TIAM1: variants seen among roughly 807,000 people sequenced by gnomAD.
The protein encoded by TIAM1 is rho guanine nucleotide exchange factor TIAM1.
A neutral mutation model predicts 163.5 loss-of-function variants in TIAM1; 65 were observed. That is an observed-to-expected ratio of 0.40 (90% confidence interval 0.33 to 0.49). The LOEUF (loss-of-function observed/expected upper bound fraction) is 0.49, where lower values mean the gene tolerates loss of function less well. Ranked by LOEUF, TIAM1 falls within the 20% of genes least tolerant of loss-of-function variation. The pLI is 0.77. For synonymous variants in TIAM1, 833 were observed against 810.1 expected, an observed-to-expected ratio of 1.03 and a Z score of -0.48; for missense variants, 1,789 against 2,044.7, an observed-to-expected ratio of 0.87 and a Z score of 2.41.
At chr21:31,407,784 C>T (rs889598548) in intron 2 of TIAM1, among the ~76,000 whole-genome samples, 152 of 151,912 alleles carry the variant, frequency 1.0e-3, no homozygotes, top group African/African-American at 3.5e-3. Context: ...TACAGGCGCC[C>T]GCCACCACGC....
At chr21:31,340,170 T>G (rs2075971050) in intron 1 of TIAM1, among the ~76,000 whole-genome samples, 2 of 151,324 alleles carry the variant, frequency 1.3e-5, no homozygotes, top group East Asian at 3.9e-4. Flanking sequence ...CCCAGTCCAG[T>G]CCCTTGCAAT....
intron 1 of TIAM1, among the ~76,000 whole-genome samples, chr21:31,495,158 G>A (rs533399240): frequency 8.3e-4 from 127 of 152,292 alleles, no homozygotes; most frequent in African/African-American, 3.0e-3. Flanking sequence ...AAGCAAATGG[G>A]ATGAAATGCA....
At chr21:31,360,686 GC>G (rs2076393111) in intron 2 of TIAM1, among the ~76,000 whole-genome samples, 1 of 152,088 alleles carries the variant, frequency 6.6e-6, no homozygotes, top group African/African-American at 2.4e-5. Context: ...ACACACACAT[GC>G]ACACAACTGT....
At chr21:31,311,756 G>C (rs937684390) in intron 2 of TIAM1, among the ~76,000 whole-genome samples, 1 of 152,212 alleles carries the variant, frequency 6.6e-6, no homozygotes, top group African/African-American at 2.4e-5. Context: ...GTGTCAACTT[G>C]ATTGGATTGA....
chr21:31,312,072 C>T (rs935363898), intron 2 of TIAM1, among the ~76,000 whole-genome samples: 7 of 152,316 alleles, frequency 4.6e-5, no homozygotes, highest in African/African-American at 1.4e-4. Context: ...CTTGGGCCTT[C>T]GGCCACAGAC....
chr21:31,545,425 T>C (rs1452334508), intron 1 of TIAM1, among the ~76,000 whole-genome samples: 5 of 152,164 alleles, frequency 3.3e-5, no homozygotes, highest in African/African-American at 4.8e-5. Flanking sequence ...AGGTACCTTG[T>C]TACCGGGAGG....
chr21:31,453,516 A>G (rs573674596), intron 2 of TIAM1, among the ~76,000 whole-genome samples: 1 of 152,136 alleles, frequency 6.6e-6, no homozygotes, highest in Admixed American at 6.5e-5. Context: ...CAACATGGCG[A>G]AACTCCATGT....
chr21:31,495,933 C>G (rs2147433338), intron 1 of TIAM1, among the ~76,000 whole-genome samples: 1 of 152,046 alleles, frequency 6.6e-6, no homozygotes, highest in South Asian at 2.1e-4. Context: ...GATCGCTCCA[C>G]TGCACTCCAG....
At chr21:31,413,926 G>C (rs2043291194) in intron 2 of TIAM1, among the ~76,000 whole-genome samples, 1 of 152,164 alleles carries the variant, frequency 6.6e-6, no homozygotes, top group South Asian at 2.1e-4. Context: ...ACCTGCACAA[G>C]GTCAACATCT....
chr21:31,447,107 G>A (rs1375369502), intron 2 of TIAM1, among the ~76,000 whole-genome samples: 1 of 152,086 alleles, frequency 6.6e-6, no homozygotes, highest in African/African-American at 2.4e-5. Context: ...TAGAAAAGTA[G>A]GCCAGACACA....
chr21:31,507,639 G>A (rs2047077469), intron 1 of TIAM1, among the ~76,000 whole-genome samples: 1 of 152,118 alleles, frequency 6.6e-6, no homozygotes. Flanking sequence ...ATGTACCTGG[G>A]ATACGATCAA....
At chr21:31,301,154 C>T (rs545311188) in intron 2 of TIAM1, among the ~76,000 whole-genome samples, 20 of 152,230 alleles carry the variant, frequency 1.3e-4, no homozygotes, top group Non-Finnish European at 2.6e-4. Context: ...AGGACAGGGG[C>T]GAGAATGGAA....
chr21:31,496,386 A>AGGCTGAGGTGGGAGAATTGC (rs56155285), intron 1 of TIAM1, among the ~76,000 whole-genome samples: 1 of 150,146 alleles, frequency 6.7e-6, no homozygotes, highest in East Asian at 2.0e-4. Context: ...GTTACTTGGG[A>AGGCTGAGGTGGGAGAATTGC]CTGAATCCAG....
intron 2 of TIAM1, among the ~76,000 whole-genome samples, chr21:31,313,139 A>G (rs2074992823): frequency 6.6e-6 from 1 of 152,254 alleles, no homozygotes. Context: ...GTGGTGCAGA[A>G]GCCAAGTTTT....
chr21:31,210,710 A>C (rs1270396102), intron 10 of TIAM1, among the ~76,000 whole-genome samples: 1 of 130,422 alleles, frequency 7.7e-6, no homozygotes, highest in Non-Finnish European at 1.5e-5. Context: ...AGAAAGAGAA[A>C]GAAAGAGAAA....
intron 6 of TIAM1, among the ~76,000 whole-genome samples, chr21:31,234,373 A>G (rs1601647789): frequency 8.2e-6 from 1 of 121,484 alleles, no homozygotes; most frequent in African/African-American, 3.2e-5. Context: ...GAAGGAAGGA[A>G]GGAAGGAAGG....
rs940439459 is a variant in TIAM1, at chr21:31,442,381, C to T, written c.-369+21602G>A. On this transcript the variant is annotated intron_variant, in intron 2 of 28. Coordinates refer to the TIAM1 transcript ENST00000286827. Reference sequence around the variant, plus strand: ...CTGAGTAGCTGAGGCTACAGGTGCACGCCACCATGCCTGGGTAATTTTTGG... The same window carrying T: ...CTGAGTAGCTGAGGCTACAGGTGCATGCCACCATGCCTGGGTAATTTTTGG... 6.6e-5 allele frequency among the ~76,000 whole-genome samples: 10 copies of T among 151,506 alleles called. No homozygotes were observed. In the South Asian group the frequency reaches 1.0e-3, roughly 16 times the overall value.
chr21:31,204,609 C>T (rs116790969), intron 11 of TIAM1, among the ~76,000 whole-genome samples: 173 of 152,272 alleles, frequency 1.1e-3, no homozygotes, highest in African/African-American at 3.8e-3. Flanking sequence ...CTCTTAGATA[C>T]GCCAGACACC....
intron 2 of TIAM1, among the ~76,000 whole-genome samples, chr21:31,372,210 T>C (rs544775932): frequency 1.3e-5 from 2 of 152,130 alleles, no homozygotes; most frequent in African/African-American, 2.4e-5. Context: ...ATTAAAAATG[T>C]AGGAAAACAT....
Sources: gnomAD v4.1 joint callset for allele counts (sites outside exome capture counted in the v4.1 genomes callset) on GRCh38, gnomAD v4.1.1 for gene constraint, MANE v1.5 for transcripts, NCBI Gene and HGNC (gene_info 2026-07-23, HGNC 2026-07-21) for gene names.